TMEM132C: variants seen among roughly 807,000 people sequenced by gnomAD.
TMEM132C encodes transmembrane protein 132C, also known as protein phosphatase 1, regulatory subunit 152.
In TMEM132C, 29 loss-of-function variants were observed where a neutral mutation model predicts 61.4. That is an observed-to-expected ratio of 0.47 (90% CI 0.35 to 0.64). The LOEUF (loss-of-function observed/expected upper bound fraction) is 0.64. TMEM132C is among the 30% of genes least tolerant of loss of function. TMEM132C has a pLI of 0.00. For missense variants in TMEM132C, 1,408 were observed against 1,476.9 expected, an observed-to-expected ratio of 0.95 and a Z score of 0.76; for synonymous variants, 656 against 633.1, an observed-to-expected ratio of 1.04 and a Z score of -0.54.
chr12:128,677,479 G>A (rs1342337063), intron 5 of TMEM132C, among the ~76,000 whole-genome samples: 1 of 152,148 alleles, frequency 6.6e-6, no homozygotes, highest in Admixed American at 6.5e-5. Flanking sequence ...TTAGGTGGGG[G>A]CTGCTGGGGA....
At chr12:128,492,469 C>T (rs565296804) in intron 2 of TMEM132C, among the ~76,000 whole-genome samples, 89 of 152,244 alleles carry the variant, frequency 5.8e-4, no homozygotes, top group African/African-American at 1.7e-3. Context: ...TCCCACCAAC[C>T]GTGTAAAAGT....
At chr12:128,271,267 T>TATAATAATAATA (rs72149112) in intron 1 of TMEM132C, among the ~76,000 whole-genome samples, 115 of 143,034 alleles carry the variant, frequency 8.0e-4, no homozygotes, top group Non-Finnish European at 1.0e-3. Flanking sequence ...ATAATAATAA[T>TATAATAATAATA]ATAATAATAA....
intron 3 of TMEM132C, among the ~76,000 whole-genome samples, chr12:128,599,765 T>C (rs191911230): frequency 2.1e-4 from 32 of 152,286 alleles, no homozygotes; most frequent in Non-Finnish European, 1.0e-4. Context: ...AGATTGTTAG[T>C]GTAAATTATT....
intron 3 of TMEM132C, among the ~76,000 whole-genome samples, chr12:128,604,221 A>G (rs1344397471): frequency 6.6e-6 from 1 of 152,194 alleles, no homozygotes; most frequent in Non-Finnish European, 1.5e-5. Flanking sequence ...TGATAGGTTG[A>G]TTGATGAATA....
intron 2 of TMEM132C, among the ~76,000 whole-genome samples, chr12:128,473,121 AGCCTCC>A (rs1167740088): frequency 0.053 from 7,572 of 142,866 alleles, 157 homozygotes; most frequent in Middle Eastern, 0.067. Flanking sequence ...TCTTCACTCC[AGCCTCC>A]ATCTTCATCT....
chr12:128,626,158 G>A (rs1035937354), intron 4 of TMEM132C, among the ~76,000 whole-genome samples: 23 of 147,238 alleles, frequency 1.6e-4, no homozygotes, highest in East Asian at 3.9e-4. Flanking sequence ...ACAGAGTCTC[G>A]CTCTGTTACC....
At chr12:128,287,684 T>A (rs548768377) in intron 1 of TMEM132C, among the ~76,000 whole-genome samples, 12 of 152,236 alleles carry the variant, frequency 7.9e-5, no homozygotes, top group Admixed American at 6.5e-5. Flanking sequence ...CTATTATGTA[T>A]CTGCCTCCTT....
chr12:128,366,357 G>T (rs1024788808), intron 1 of TMEM132C, among the ~76,000 whole-genome samples: 7 of 152,196 alleles, frequency 4.6e-5, no homozygotes, highest in Non-Finnish European at 1.0e-4. Flanking sequence ...ACTGCACAGT[G>T]CGAACTTGCT....
At chr12:128,304,628 A>G (rs1050285411) in intron 1 of TMEM132C, among the ~76,000 whole-genome samples, 2 of 102,138 alleles carry the variant, frequency 2.0e-5, no homozygotes, top group Admixed American at 1.8e-4. Flanking sequence ...AAAGAAAGAA[A>G]GAAAGAAAGA....
chr12:128,685,857 A>G (rs1196222959), intron 5 of TMEM132C, among the ~76,000 whole-genome samples: 1 of 152,208 alleles, frequency 6.6e-6, no homozygotes, highest in African/African-American at 2.4e-5. Flanking sequence ...TATGGATATG[A>G]TAAATATAAT....
chr12:128,488,525 GT>G (rs1871582647), intron 2 of TMEM132C, among the ~76,000 whole-genome samples: 1 of 152,000 alleles, frequency 6.6e-6, no homozygotes. Flanking sequence ...GCCGGACATG[GT>G]GGTGCATGTC....
chr12:128,504,547 G>A (rs1414765776), intron 2 of TMEM132C, among the ~76,000 whole-genome samples: 2 of 152,084 alleles, frequency 1.3e-5, no homozygotes, highest in Non-Finnish European at 2.9e-5. Context: ...CGAGACTAAG[G>A]AGCCGGCAGG....
At chr12:128,666,450 C>T (rs1359242482) in intron 4 of TMEM132C, among the ~76,000 whole-genome samples, 1 of 152,152 alleles carries the variant, frequency 6.6e-6, no homozygotes, top group African/African-American at 2.4e-5. Context: ...AGAAGCTACC[C>T]AGTCTATGCT....
chr12:128,609,315 A>G (rs1164647412), intron 3 of TMEM132C, among the ~76,000 whole-genome samples: 1 of 145,196 alleles, frequency 6.9e-6, no homozygotes, highest in East Asian at 2.0e-4. Context: ...CAACCCTGCT[A>G]TAACCTTCAC....
At position 128,424,425 on chromosome 12, in the gene TMEM132C, G is replaced by A. The variant is rs78844080; in HGVS notation, c.974+8805G>A. Among the ~76,000 whole-genome samples the A allele has an allele frequency of 7.6e-3, 1,139 of 149,214 alleles. 12 individuals are homozygous for A. Among genetic ancestry groups the A allele is most frequent in the African/African-American group, 0.027 (1,069 of 40,140 alleles). On this transcript the variant is annotated intron_variant, in intron 2 of 8. Transcript: ENST00000435159. The stretch of plus-strand genomic sequence containing the variant: ...AACCACTGGTACATGCTACAATATG[G>A]ATGAACCTTAAAAACATGATGCTAA...
intron 1 of TMEM132C, among the ~76,000 whole-genome samples, chr12:128,374,594 CA>C (rs1267177819): frequency 2.0e-5 from 3 of 152,138 alleles, no homozygotes; most frequent in Admixed American, 6.5e-5. Flanking sequence ...ACCTTTATGC[CA>C]AGTGCTGTGT....
In TMEM132C at chr12:128,414,916, G is replaced by T; in HGVS notation, c.270G>T (p.Arg90Ser). The part of the protein sequence containing the change: ...RVESFFTYKT[R>S]QPPVLNASYG... ...AGTCCTTCTTTACCTACAAAACCAG[G>T]CAGCCCCCAGTGCTCAATGCCAGCT... The change falls in exon 2 of 9, where the codon AGG becomes AGT. Residue 90 changes from arginine (R) to serine (S), a missense_variant. Arg to Ser is a moderately radical substitution (Grantham distance 110). Coordinates refer to ENST00000435159, the MANE Select transcript of TMEM132C (RefSeq NM_001136103.3). The T allele has an allele frequency of 6.4e-7, 1 of 1,551,726 alleles. No individual in the cohort carries two copies. Among genetic ancestry groups the T allele is most frequent in the Non-Finnish European group, 8.7e-7 (1 of 1,147,018 alleles).
intron 2 of TMEM132C, among the ~76,000 whole-genome samples, chr12:128,472,557 T>C (rs750420275): frequency 1.8e-4 from 27 of 152,192 alleles, no homozygotes; most frequent in Admixed American, 2.6e-4. Context: ...AAGACCACCA[T>C]GGTGACAGAA....
chr12:128,489,329 A>G (rs1871623926), intron 2 of TMEM132C, among the ~76,000 whole-genome samples: 1 of 151,590 alleles, frequency 6.6e-6, no homozygotes, highest in Non-Finnish European at 1.5e-5. Flanking sequence ...CACCATGCTC[A>G]TGTTAGAGGA....
Sources: allele counts gnomAD v4.1 joint callset (sites outside exome capture counted in the v4.1 genomes callset), GRCh38; gene constraint gnomAD v4.1.1; transcripts MANE v1.5; gene names NCBI Gene and HGNC (gene_info 2026-07-23, HGNC 2026-07-21).